Variants in C2orf78 observed in about 807,000 individuals in gnomAD.
The protein encoded by C2orf78 is uncharacterized protein C2orf78.
Under a neutral mutation model 21.4 loss-of-function variants are expected in C2orf78, and 12 were observed. That is an observed-to-expected ratio of 0.56 (90% confidence interval 0.36 to 0.91). The LOEUF is 0.91. Among genes scored for constraint, C2orf78 ranks in the 40% least tolerant of loss-of-function variants. The pLI, the probability that C2orf78 is intolerant of heterozygous loss-of-function variation, is 0.01. For missense variants in C2orf78, 1,042 were observed against 1,092.4 expected, an observed-to-expected ratio of 0.95 and a Z score of 0.65; for synonymous variants, 396 against 413.9, an observed-to-expected ratio of 0.96 and a Z score of 0.52.
exon 1 of C2orf78, chr2:73,784,198 C>A: frequency 1.3e-6 from 2 of 1,504,080 alleles, no homozygotes; most frequent in South Asian, 1.2e-5. Context: ...CCCACCAAAC[C>A]GACCACCACC....
chr2:73,784,900 C>T (rs1367492754), intron 1 of C2orf78, among the ~76,000 whole-genome samples: 143 of 150,226 alleles, frequency 9.5e-4, no homozygotes, highest in East Asian at 9.1e-3. Flanking sequence ...CGGTGGCTCA[C>T]ACCTGTAATC....
intron 1 of C2orf78, among the ~76,000 whole-genome samples, chr2:73,806,824 G>GA (rs1248148128): frequency 3.1e-5 from 3 of 98,258 alleles, no homozygotes; most frequent in Admixed American, 2.0e-4. Context: ...AAACAAAATG[G>GA]AAAAAATACA....
exon 3 of C2orf78, chr2:73,816,211 A>C (rs1477279697): frequency 6.2e-7 from 1 of 1,613,934 alleles, no homozygotes; most frequent in East Asian, 2.2e-5. Flanking sequence ...AGCAACACCC[A>C]AAACCGCCAG....
exon 3 of C2orf78, chr2:73,815,621 T>G (rs1305694314): frequency 9.3e-6 from 15 of 1,613,972 alleles, no homozygotes; most frequent in Non-Finnish European, 1.3e-5. Context: ...TTGACCAACC[T>G]GAAAGTCCCT....
exon 3 of C2orf78, chr2:73,815,773 A>G: frequency 6.2e-7 from 1 of 1,613,810 alleles, no homozygotes; most frequent in Non-Finnish European, 8.5e-7. Context: ...CCCAAGGCCA[A>G]AATCCAGCCA....
intron 1 of C2orf78, among the ~76,000 whole-genome samples, chr2:73,813,048 G>A (rs1673120519): frequency 6.6e-6 from 1 of 152,122 alleles, no homozygotes; most frequent in African/African-American, 2.4e-5. Context: ...TTAACATAAT[G>A]GTAAAACTTA....
chr2:73,807,695 A>T (rs1039090415), intron 1 of C2orf78, among the ~76,000 whole-genome samples: 1 of 108,550 alleles, frequency 9.2e-6, no homozygotes, highest in Non-Finnish European at 1.8e-5. Flanking sequence ...CTGCTCTGGA[A>T]GTTGACAAGA....
At chr2:73,810,939 G>A (rs1290646566) in intron 1 of C2orf78, among the ~76,000 whole-genome samples, 3 of 139,306 alleles carry the variant, frequency 2.2e-5, no homozygotes, top group Non-Finnish European at 4.6e-5. Flanking sequence ...TAATATAAAT[G>A]TATGTTATAT....
chr2:73,807,179 C>CAA (rs1279850153), intron 1 of C2orf78, among the ~76,000 whole-genome samples: 2 of 47,278 alleles, frequency 4.2e-5, no homozygotes, highest in East Asian at 4.7e-4. Flanking sequence ...GACTCTGTCT[C>CAA]AAAAAAAAAA....
intron 1 of C2orf78, among the ~76,000 whole-genome samples, chr2:73,785,812 C>T (rs969839005): frequency 7.3e-5 from 11 of 151,412 alleles, no homozygotes; most frequent in Admixed American, 2.6e-4. Context: ...TTTGGGAGGC[C>T]GAGGTGGGCT....
In C2orf78 at chr2:73,815,522, T is replaced by C. The variant is rs373921857; in HGVS notation, c.1299T>C (p.Asn433=). The C allele has an allele frequency of 8.7e-6, 14 of 1,613,684 alleles. No homozygotes were observed. The African/African-American group carries it at 1.5e-4, about 17-fold the overall frequency. Reference sequence around the variant, plus strand: ...TTGAGGACCAAGGGATATTTGAAAATGGGATTGAGTCTAGCAGTGATTTGG... The same window carrying C: ...TTGAGGACCAAGGGATATTTGAAAACGGGATTGAGTCTAGCAGTGATTTGG... The change falls in exon 3 of 3, where the codon AAT becomes AAC. Residue 433 remains asparagine (N), a synonymous_variant. Coordinates refer to ENST00000409561, the Ensembl canonical transcript of C2orf78.
rs746924514 is a variant in C2orf78 at position 73,815,679 on chromosome 2, C to T, written c.1456C>T (p.Gln486Ter). The stretch of plus-strand genomic sequence containing the variant: ...CAGTGCCATCAAGGTAAATCAGGTG[C>T]AGGAAAAGTCATGTGTCATAAAGGG... Residue 486 changes from glutamine (Q) to a stop codon, truncating the protein, a stop_gained, in exon 3 of 3, where the codon CAG becomes TAG. Coordinates refer to ENST00000409561, the Ensembl canonical transcript of C2orf78. LOFTEE classifies it low-confidence loss of function (END_TRUNC). The T allele has an allele frequency of 6.2e-7, 1 of 1,613,836 alleles. No individual in the cohort carries two copies. Among genetic ancestry groups the T allele is most frequent in the South Asian group, 1.1e-5 (1 of 91,064 alleles).
exon 3 of C2orf78, chr2:73,815,370 C>A: frequency 2.5e-6 from 4 of 1,613,968 alleles, no homozygotes; most frequent in South Asian, 1.1e-5. Context: ...AATAGGAAAT[C>A]AAGATCCTCC....
rs749327365 is a variant in C2orf78 at position 73,815,671 on chromosome 2, A to C, written c.1448A>C (p.Asn483Thr). ...AAAGATACCAGTGCCATCAAGGTAA[A>C]TCAGGTGCAGGAAAAGTCATGTGTC... The change falls in exon 3 of 3, where the codon AAT becomes ACT. Residue 483 changes from asparagine (N) to threonine (T), a missense_variant. By Grantham distance (65) the Asn-to-Thr change is moderately conservative. Around this residue, in one of 2 missense-constraint regions of C2orf78, gnomAD observed 1,039 missense variants for 1,069.7 expected, o/e 0.97. Coordinates refer to ENST00000409561, the Ensembl canonical transcript of C2orf78. 5.6e-6 allele frequency: 9 copies of C among 1,613,868 alleles called. No individual in the cohort carries two copies. In the Admixed American group the frequency reaches 1.2e-4, roughly 21 times the overall value.
exon 3 of C2orf78, chr2:73,815,757 G>T: frequency 6.2e-7 from 1 of 1,613,624 alleles, no homozygotes. Context: ...GCCTATCCAG[G>T]GTGCTCCCAA....
rs35395110 is a variant in C2orf78 at position 73,810,969 on chromosome 2, C to CATATATAT, written c.98-2497_98-2490dup. ...TTATATATAATATACATGTATATTT[C>CATATATAT]ATATATATATATATATATGTTTTAG... On this transcript the variant is annotated intron_variant, in intron 1 of 2. Transcript: ENST00000409561. Among the ~76,000 whole-genome samples, 44 of 136,122 alleles carry CATATATAT rather than the reference C, an allele frequency of 3.2e-4. 1 individual carries two copies. The highest frequency in any genetic ancestry group is 1.2e-3 in the African/African-American group (44 of 36,716). The allele number at this position is 136,122 out of a possible 152,430, so 89.3% of individuals were successfully genotyped here. A position where few individuals can be genotyped will look rare whatever the true frequency, so the allele number is the denominator to read the frequency against.
intron 1 of C2orf78, 79 bp from the exon 2 acceptor site, chr2:73,813,398 T>C (rs1383048739): frequency 7.2e-7 from 1 of 1,385,540 alleles, no homozygotes; most frequent in Admixed American, 2.7e-5. Context: ...GCAACAACCT[T>C]AAGATAATGC....
chr2:73,817,055 A>C, exon 3 of C2orf78: 2 of 1,414,778 alleles, frequency 1.4e-6, no homozygotes, highest in Non-Finnish European at 1.9e-6. Flanking sequence ...GATAGATACT[A>C]ATTTATTTAT....
In C2orf78 at chr2:73,815,980, A is replaced by C. The variant is rs773861592; in HGVS notation, c.1757A>C (p.Glu586Ala). 4 of 1,614,004 alleles carry C rather than the reference A, an allele frequency of 2.5e-6. No individual in the cohort carries two copies. In the Admixed American group the frequency reaches 6.7e-5, roughly 27 times the overall value. The change falls in exon 3 of 3, where the codon GAG (glutamate) becomes GCG (alanine). Residue 586 changes from glutamate to alanine, a missense_variant. Around this residue, in one of 2 missense-constraint regions of C2orf78, gnomAD observed 1,039 missense variants for 1,069.7 expected, o/e 0.97. Coordinates refer to ENST00000409561, the Ensembl canonical transcript of C2orf78. ...AAGAACAGCTCCAAGAAATCTGAAG[A>C]GAGTAAGCAGTCAGGGAAAAAAGTC... is the stretch of plus-strand genomic sequence containing the variant.
Sources: gnomAD v4.1 joint callset for allele counts (sites outside exome capture counted in the v4.1 genomes callset) on GRCh38, gnomAD v4.1.1 for gene constraint, gnomAD v4.1.1 regional missense constraint, MANE v1.5 for transcripts, NCBI Gene and HGNC (gene_info 2026-07-23, HGNC 2026-07-21) for gene names.